The following EPHX3 variants were observed in gnomAD, a reference collection of about 807,000 sequenced individuals.
EPHX3 encodes the protein epoxide hydrolase 3.
A neutral mutation model predicts 40.2 loss-of-function variants in EPHX3; 39 were observed. The ratio of observed to expected loss-of-function variants is 0.97; its 90% CI spans 0.75 to 1.27. EPHX3 has a LOEUF of 1.27. Among genes scored for constraint, EPHX3 ranks in the 50% most tolerant of loss-of-function variants. EPHX3 has a pLI of 0.00. For missense variants in EPHX3, 442 were observed against 474.0 expected, an observed-to-expected ratio of 0.93 and a Z score of 0.63; for synonymous variants, 213 against 209.7, an observed-to-expected ratio of 1.02 and a Z score of -0.14.
intron 4 of EPHX3, among the ~76,000 whole-genome samples, chr19:15,230,189 G>T (rs1169710247): frequency 6.6e-6 from 1 of 151,944 alleles, no homozygotes; most frequent in Non-Finnish European, 1.5e-5. Context: ...TTATTTTTGA[G>T]ACAGAGTCTC....
rs2047117878 is a variant in EPHX3 at position 15,227,173 on chromosome 19, C to T, written c.*264G>A. ...GACACTCGGTCTCGGCATCTGGCTC[C>T]ACTGGAAGAGAGGTATACCCAGTTC... On this transcript the variant is annotated 3_prime_UTR_variant, in exon 7 of 7. Coordinates refer to ENST00000221730, the MANE Select transcript of EPHX3 (RefSeq NM_024794.3). 1 of 462,784 alleles carries T rather than the reference C, an allele frequency of 2.2e-6. No homozygotes were observed. The highest frequency in any genetic ancestry group is 2.0e-5 in the African/African-American group (1 of 51,018). 28.7% of individuals were successfully genotyped at this position (462,784 alleles called of 1,614,324 possible). A position where few individuals can be genotyped will look rare whatever the true frequency, so the allele number is the denominator to read the frequency against.
chr19:15,228,188 G>T, intron 4 of EPHX3, 88 bp from the exon 5 acceptor site: 1 of 1,060,808 alleles, frequency 9.4e-7, no homozygotes. Flanking sequence ...CCAGGTCAGG[G>T]ACACAAGCCT....
At chr19:15,228,132 G>A in intron 4 of EPHX3, 32 bp from the exon 5 acceptor site, 2 of 1,534,316 alleles carry the variant, frequency 1.3e-6, no homozygotes, top group Non-Finnish European at 1.8e-6. Flanking sequence ...AGAGATATAA[G>A]GCCTGCTCCT....
rs1200515577 is a variant in EPHX3 at position 15,231,325 on chromosome 19, T to C, written c.401A>G (p.Tyr134Cys). Residue 134 changes from tyrosine (Y) to cysteine (C), a missense_variant, in exon 3 of 7, where the codon TAT becomes TGT. By Grantham distance (194) the Tyr-to-Cys change is radical. Transcript: ENST00000221730. Reference protein sequence around the residue: ...FHVVAVDLRGYGPSDAPRDVD... With the variant: ...FHVVAVDLRGCGPSDAPRDVD... ...ATCCCGAGGTGCATCCGAGGGGCCA[T>C]AGCCTCGCAAGTCCACAGCCACAAC... 1.2e-6 allele frequency: 2 copies of C among 1,613,800 alleles called. No individual in the cohort carries two copies. Among genetic ancestry groups the C allele is most frequent in the Non-Finnish European group, 1.7e-6 (2 of 1,180,024 alleles).
At position 15,231,294 on chromosome 19, in the gene EPHX3, G is replaced by GT; in HGVS notation, c.431dup (p.Asp144GlufsTer30). The GT allele has an allele frequency of 6.2e-7, 1 of 1,613,992 alleles. No individual in the cohort carries two copies. Among genetic ancestry groups the GT allele is most frequent in the East Asian group, 2.2e-5 (1 of 44,872 alleles). ...CCAGCAGCAGGTCGATTGTGTAGCAGTCCACATCCCGAGGTGCATCCGAGG... is the reference window on the plus strand; with the variant it reads ...CCAGCAGCAGGTCGATTGTGTAGCAGTTCCACATCCCGAGGTGCATCCGAGG... On this transcript the variant is annotated frameshift_variant, in exon 3 of 7. Coordinates refer to ENST00000221730, the MANE Select transcript of EPHX3 (RefSeq NM_024794.3). LOFTEE classifies it high-confidence loss of function.
Position 15,232,033 on chromosome 19 carries a change from C to T in EPHX3, c.179G>A (p.Arg60Gln), listed in dbSNP as rs1568372779. 2 of 1,587,866 alleles carry T rather than the reference C, an allele frequency of 1.3e-6. No homozygotes were observed. The highest frequency in any genetic ancestry group is 2.3e-5 in the East Asian group (1 of 44,070). The change falls in exon 1 of 7, where the codon CGG becomes CAG. Residue 60 changes from arginine (R) to glutamine (Q), a missense_variant. Coordinates refer to ENST00000221730, the MANE Select transcript of EPHX3 (RefSeq NM_024794.3). ...GCTCAGGCAGGCGGGGGACGCGCTC[C>T]GACGGCGCCCGCAGCAGCCGCGCCG... ...RPRRGCCGRR[R>Q]SASPACLSDP... is the part of the protein sequence containing the mutation.
chr19:15,231,772 G>A lies in EPHX3; in HGVS notation c.329+4C>T. Reference sequence around the variant, plus strand: ...GGGCCTCAGGCCCCTGGCCCCAGACGTACCAGTTCTCAGGGAAGCCGTGCA... The same window carrying A: ...GGGCCTCAGGCCCCTGGCCCCAGACATACCAGTTCTCAGGGAAGCCGTGCA... On this transcript the variant is annotated splice_donor_region_variant and intron_variant, in intron 2 of 6. Transcript: ENST00000221730. 2 of 1,613,800 alleles carry A rather than the reference G, an allele frequency of 1.2e-6. No individual in the cohort carries two copies. Among genetic ancestry groups the A allele is most frequent in the South Asian group, 2.2e-5 (2 of 91,072 alleles).
At chr19:15,234,789 C>G (rs768595063), upstream of EPHX3, among the ~76,000 whole-genome samples, 5 of 152,176 alleles carry the variant, frequency 3.3e-5, no homozygotes, top group Non-Finnish European at 7.3e-5. Context: ...AAACATTATA[C>G]TGTCCTGGGA....
intron 4 of EPHX3, among the ~76,000 whole-genome samples, chr19:15,229,801 C>CGCTTGAA (rs1472363656): frequency 1.4e-5 from 2 of 140,940 alleles, no homozygotes; most frequent in Admixed American, 1.5e-4. Flanking sequence ...GCAGGGGAAT[C>CGCTTGAA]GCTTGAACCT....
Position 15,232,283 on chromosome 19 carries a change from G to A in EPHX3, c.-72C>T. The A allele has an allele frequency of 7.1e-7, 1 of 1,411,972 alleles. No individual in the cohort carries two copies. The highest frequency in any genetic ancestry group is 9.1e-7 in the Non-Finnish European group (1 of 1,096,574). 87.5% of individuals were successfully genotyped at this position (1,411,972 alleles called of 1,614,324 possible). On this transcript the variant is annotated 5_prime_UTR_variant, in exon 1 of 7. Coordinates refer to ENST00000221730, the MANE Select transcript of EPHX3 (RefSeq NM_024794.3). Reference sequence around the variant, plus strand: ...TGCAGCAGCGGCGAAGCGGTGTCAGGGCTCAGGGGCCCATCGCCCTTGGCC... The same window carrying A: ...TGCAGCAGCGGCGAAGCGGTGTCAGAGCTCAGGGGCCCATCGCCCTTGGCC...
chr19:15,231,940 C>A, intron 1 of EPHX3, 29 bp downstream of exon 1: 1 of 1,612,664 alleles, frequency 6.2e-7, no homozygotes, highest in Non-Finnish European at 8.5e-7. Context: ...CGCGACCCCG[C>A]AGCCCCGATA....
Position 15,227,988 on chromosome 19 carries a change from C to A in EPHX3, c.720+9G>T. ...CTTCCCTCCTCCCTTCAACCTGCAC[C>A]CTCTGTACCTGAAAGTCAGACATAG... On this transcript the variant is annotated intron_variant, in intron 5 of 6. Coordinates refer to ENST00000221730, the MANE Select transcript of EPHX3 (RefSeq NM_024794.3). 6.2e-7 allele frequency: 1 copy of A among 1,614,046 alleles called. No homozygotes were observed. The highest frequency in any genetic ancestry group is 8.5e-7 in the Non-Finnish European group (1 of 1,180,014).
chr19:15,227,935 A>G (rs2047125151), intron 5 of EPHX3, 28 bp from the exon 6 acceptor site: 2 of 1,613,918 alleles, frequency 1.2e-6, no homozygotes, highest in Admixed American at 3.3e-5. Flanking sequence ...CTCTGGCTTC[A>G]GTGCCCAGCC....
chr19:15,227,944 C>T, intron 5 of EPHX3, 37 bp from the exon 6 acceptor site: 1 of 1,614,060 alleles, frequency 6.2e-7, no homozygotes, highest in Non-Finnish European at 8.5e-7. Context: ...CAGTGCCCAG[C>T]CTGCCCAGCC....
intron 4 of EPHX3, among the ~76,000 whole-genome samples, chr19:15,228,747 C>T (rs924182597): frequency 8.6e-5 from 13 of 151,578 alleles, no homozygotes; most frequent in East Asian, 3.9e-4. Context: ...TCTCGATCTC[C>T]GGACCTCATG....
upstream of EPHX3, chr19:15,235,456 C>T (rs563457044): frequency 5.3e-5 from 8 of 151,970 alleles, no homozygotes; most frequent in African/African-American, 1.9e-4. Context: ...ACTGACCCCC[C>T]GCCCTCATCT....
Position 15,227,584 on chromosome 19 carries a change from C to G in EPHX3, c.936G>C (p.Leu312=). The change falls in exon 7 of 7, where the codon CTG becomes CTC. Residue 312 remains leucine, a synonymous_variant. Transcript: ENST00000221730. The part of the protein sequence containing the change: ...LWGEKDTYLE[L]GLVEAIGSRF... ...GGCTGCCGATGGCTTCCACCAGCCC[C>G]AGCTCCAAGTAAGTGTCCTTCTCCC... 4 of 1,614,128 alleles carry G rather than the reference C, an allele frequency of 2.5e-6. No individual in the cohort carries two copies. Among genetic ancestry groups the G allele is most frequent in the Non-Finnish European group, 2.5e-6 (3 of 1,180,034 alleles).
chr19:15,231,007 C>G lies in EPHX3; in HGVS notation c.571G>C (p.Glu191Gln), dbSNP rs770762318. The G allele has an allele frequency of 6.2e-7, 1 of 1,614,034 alleles. No homozygotes were observed. Among genetic ancestry groups the G allele is most frequent in the Non-Finnish European group, 8.5e-7 (1 of 1,180,022 alleles). ...GCACCACTGACCACAACCATCCGCT[C>G]GACCAGGGATGGGTAGTAGATGGAG... is the stretch of plus-strand genomic sequence containing the variant. ...HFSIYYPSLV[E>Q]RMVVVSGAPM... The change falls in exon 4 of 7, where the codon GAG (glutamate) becomes CAG (glutamine). Residue 191 changes from glutamate to glutamine, a missense_variant. By Grantham distance (29) the Glu-to-Gln change is conservative. Transcript: ENST00000221730.
upstream of EPHX3, among the ~76,000 whole-genome samples, chr19:15,234,964 TTG>T (rs1381215283): frequency 6.6e-6 from 1 of 152,192 alleles, no homozygotes; most frequent in African/African-American, 2.4e-5. Flanking sequence ...CTTTCTTTTG[TTG>T]TGTGATTAGC....
Sources: allele counts gnomAD v4.1 joint callset (sites outside exome capture counted in the v4.1 genomes callset), GRCh38; gene constraint gnomAD v4.1.1; transcripts MANE v1.5; gene names NCBI Gene and HGNC (gene_info 2026-07-23, HGNC 2026-07-21).